Variants in FANCI observed in about 807,000 individuals in gnomAD.
FANCI encodes Fanconi anemia group I protein.
In FANCI, 156 loss-of-function variants were observed where a neutral mutation model predicts 176.1. That is an observed-to-expected ratio of 0.89 (90% CI 0.78 to 1.01). FANCI has a LOEUF of 1.01. Ranked by LOEUF, FANCI falls within the 50% of genes least tolerant of loss-of-function variation. FANCI has a pLI of 0.00. For synonymous variants in FANCI, 613 were observed against 541.7 expected, an observed-to-expected ratio of 1.13 and a Z score of -1.83; for missense variants, 1,678 against 1,534.1, an observed-to-expected ratio of 1.09 and a Z score of -1.57.
intron 1 of FANCI, among the ~76,000 whole-genome samples, chr15:89,246,074 C>T (rs961620021): frequency 2.0e-5 from 3 of 152,134 alleles, no homozygotes; most frequent in African/African-American, 7.2e-5. Flanking sequence ...GGTTTCTGGT[C>T]TGAGCAGCTG....
chr15:89,314,504 C>CA, intron 35 of FANCI, 108 bp from the exon 36 acceptor site: 1 of 834,244 alleles, frequency 1.2e-6, no homozygotes, highest in Non-Finnish European at 2.0e-6. Flanking sequence ...GATTGGGAGA[C>CA]AGACTAGTTT....
At chr15:89,281,049 A>G (rs2053595933) in intron 14 of FANCI, 121 bp from the exon 15 acceptor site, 2 of 943,404 alleles carry the variant, frequency 2.1e-6, no homozygotes, top group East Asian at 2.6e-5. Context: ...TTTGTATTGC[A>G]GTATACTTGA....
rs556544052 is a variant in FANCI, at chr15:89,307,933, C to T, written c.3651+261C>T. 8.8e-4 allele frequency: 1,192 copies of T among 1,350,980 alleles called. 19 individuals carry two copies. In the South Asian group the frequency reaches 0.017, roughly 20 times the overall value. The allele number at this position is 1,350,980 out of a possible 1,614,324, so 83.7% of individuals were successfully genotyped here. ...GGAGCAAGGAAGGAACAAGCATGCT[C>T]AGGCTCAAGGACTTGGTTTATTCCT... On this transcript the variant is annotated intron_variant, in intron 34 of 37. Transcript: ENST00000310775.
Position 89,278,723 on chromosome 15 carries a change from G to A in FANCI, c.1330G>A (p.Val444Ile), listed in dbSNP as rs1224560872. Residue 444 changes from valine to isoleucine, a missense_variant, in exon 14 of 38, where the codon GTC becomes ATC. Val to Ile is a conservative substitution (Grantham distance 29, BLOSUM62 3). Coordinates refer to ENST00000310775, the MANE Select transcript of FANCI (RefSeq NM_001113378.2). ...EMIRQEILEQVLNRVVTRASS... is the reference protein window; with the variant it reads ...EMIRQEILEQILNRVVTRASS... The stretch of plus-strand genomic sequence containing the variant: ...GATCAGACAAGAAATTTTGGAGCAG[G>A]TCCTCAACAGGGTTGTTACCAGAGC... The A allele has an allele frequency of 6.2e-7, 1 of 1,613,966 alleles. No homozygotes were observed. Among genetic ancestry groups the A allele is most frequent in the East Asian group, 2.2e-5 (1 of 44,854 alleles).
chr15:89,300,099 A>G, intron 25 of FANCI, 133 bp downstream of exon 25: 1 of 1,109,370 alleles, frequency 9.0e-7, no homozygotes, highest in Non-Finnish European at 1.4e-6. Flanking sequence ...CATCTAGTGG[A>G]TTCAGGATTG....
intron 24 of FANCI, among the ~76,000 whole-genome samples, chr15:89,297,170 G>A (rs1468020219): frequency 7.5e-5 from 10 of 133,040 alleles, no homozygotes; most frequent in Admixed American, 2.2e-4. Flanking sequence ...CGGGGCGGCC[G>A]GGCAGAGGTG....
chr15:89,313,372 T>C (rs566634520), intron 35 of FANCI, among the ~76,000 whole-genome samples: 4 of 152,202 alleles, frequency 2.6e-5, no homozygotes, highest in Non-Finnish European at 5.9e-5. Flanking sequence ...ACTCAGGGAT[T>C]TTATGATCAG....
chr15:89,263,260 A>G (rs935818427), intron 6 of FANCI, among the ~76,000 whole-genome samples, 159 bp from the exon 7 acceptor site: 2 of 151,870 alleles, frequency 1.3e-5, no homozygotes, highest in African/African-American at 4.8e-5. Flanking sequence ...TAGGTTAACA[A>G]CTGCTATTTC....
chr15:89,244,623 G>T (rs1188617492), intron 1 of FANCI, among the ~76,000 whole-genome samples: 1 of 152,168 alleles, frequency 6.6e-6, no homozygotes, highest in Non-Finnish European at 1.5e-5. Flanking sequence ...CTCCGAAGCC[G>T]CCTGCCCCTT....
chr15:89,299,610 A>T (rs2054451383), intron 24 of FANCI, among the ~76,000 whole-genome samples, 190 bp from the exon 25 acceptor site: 1 of 152,202 alleles, frequency 6.6e-6, no homozygotes, highest in Admixed American at 6.5e-5. Flanking sequence ...GGGAGGAGAG[A>T]ATTGACTATC....
chr15:89,263,822 C>A, intron 7 of FANCI, 81 bp from the exon 8 acceptor site: 1 of 1,511,388 alleles, frequency 6.6e-7, no homozygotes, highest in Non-Finnish European at 9.2e-7. Context: ...GGAATTTTAA[C>A]CACTGTAAAG....
chr15:89,290,642 G>C (rs2054026123), intron 19 of FANCI: 2 of 242,612 alleles, frequency 8.2e-6, no homozygotes, highest in African/African-American at 4.5e-5. Context: ...TCTTAAATCT[G>C]GGTAATGGAT....
At chr15:89,288,701 C>T (rs949538291) in intron 18 of FANCI, among the ~76,000 whole-genome samples, 1 of 151,572 alleles carries the variant, frequency 6.6e-6, no homozygotes, top group African/African-American at 2.4e-5. Context: ...TCACTGCAGC[C>T]TCCAGCTCCT....
At chr15:89,266,240 C>T (rs753954666) in intron 9 of FANCI, among the ~76,000 whole-genome samples, 2 of 148,152 alleles carry the variant, frequency 1.3e-5, no homozygotes, top group Admixed American at 6.8e-5. Flanking sequence ...CGGCTCACTG[C>T]AACCTCTGCT....
chr15:89,254,027 A>G (rs1411781407), intron 2 of FANCI, among the ~76,000 whole-genome samples: 2 of 151,980 alleles, frequency 1.3e-5, no homozygotes, highest in Non-Finnish European at 2.9e-5. Flanking sequence ...ACATGCATAC[A>G]TTTCCTGGCT....
rs971308997 is a variant in FANCI at position 89,312,895 on chromosome 15, T to C, written c.3652-9T>C. 9 of 1,609,374 alleles carry C rather than the reference T, an allele frequency of 5.6e-6. No individual in the cohort carries two copies. The highest frequency in any genetic ancestry group is 7.7e-6 in the Non-Finnish European group (9 of 1,175,956). ...TCAGGAATAAGAGAATGTGTTTCTA[T>C]TTCTTTAGAATAAGAGTAAGAGCCT... On this transcript the variant is annotated splice_polypyrimidine_tract_variant and intron_variant, in intron 34 of 37. Transcript: ENST00000310775.
At position 89,301,321 on chromosome 15, in the gene FANCI, C is replaced by T; in HGVS notation, c.2890-5C>T. 1 of 1,603,176 alleles carries T rather than the reference C, an allele frequency of 6.2e-7. No homozygotes were observed. Reference sequence around the variant, plus strand: ...TTGCTTGCTGTGTGTGCCTTCCTTTCTCAGAGGTCCTTGTTGAATTTACTT... The same window carrying T: ...TTGCTTGCTGTGTGTGCCTTCCTTTTTCAGAGGTCCTTGTTGAATTTACTT... On this transcript the variant is annotated splice_polypyrimidine_tract_variant and splice_region_variant and intron_variant, in intron 26 of 37. Transcript: ENST00000310775.
Position 89,316,426 on chromosome 15 carries a change from C to CAAAG in FANCI, c.3957_3960dup (p.Pro1321ArgfsTer18). On this transcript the variant is annotated frameshift_variant, in exon 38 of 38. Transcript: ENST00000310775. LOFTEE classifies it high-confidence loss of function. The stretch of plus-strand genomic sequence containing the variant: ...CTGCATCAGAGCATGGGGGACAGAA[C>CAAAG]AAAGAACCAGCCAAGAAGAAAAGGA... 1 of 1,611,792 alleles carries CAAAG rather than the reference C, an allele frequency of 6.2e-7. No homozygotes were observed. Among genetic ancestry groups the CAAAG allele is most frequent in the East Asian group, 2.2e-5 (1 of 44,812 alleles).
At chr15:89,282,378 T>C in intron 16 of FANCI, 3 of 164,696 alleles carry the variant, frequency 1.8e-5, no homozygotes, top group Admixed American at 1.1e-4. Flanking sequence ...TGAGTTTTAT[T>C]TGTAGCTTAG....
Sources: allele counts gnomAD v4.1 joint callset (sites outside exome capture counted in the v4.1 genomes callset), GRCh38; gene constraint gnomAD v4.1.1; transcripts MANE v1.5; gene names NCBI Gene and HGNC (gene_info 2026-07-23, HGNC 2026-07-21).